Variants in DSP observed in about 807,000 individuals in gnomAD.
DSP encodes 250/210 kDa paraneoplastic pemphigus antigen.
In DSP, 114 loss-of-function variants were observed where a neutral mutation model predicts 290.6. That is an observed-to-expected ratio of 0.39 (90% confidence interval 0.34 to 0.46). The LOEUF is 0.46. DSP is among the 20% of genes least tolerant of loss of function. The pLI, the probability that DSP is intolerant of heterozygous loss-of-function variation, is 0.99. For synonymous variants in DSP, 1,311 were observed against 1,316.4 expected (o/e 1.00, Z 0.09); for missense variants, 3,230 against 3,495.8 (o/e 0.92, Z 1.92).
chr6:7,582,723 G>A lies in DSP; in HGVS notation c.5461G>A (p.Val1821Ile). ...ERESLLVKIK[V>I]LEQDKARLQR... ...AGAGAGCCTTCTGGTGAAAATCAAAGTCCTGGAGCAAGACAAGGCAAGGCT... is the reference window on the plus strand; with the variant it reads ...AGAGAGCCTTCTGGTGAAAATCAAAATCCTGGAGCAAGACAAGGCAAGGCT... The change falls in exon 24 of 24, where the codon GTC becomes ATC. Residue 1821 changes from valine to isoleucine, a missense_variant. Physicochemically the swap from Val to Ile is conservative, Grantham distance 29 (BLOSUM62 3). Coordinates refer to ENST00000379802, the MANE Select transcript of DSP (RefSeq NM_004415.4). This position sits in a 1 kb window ranked among gnomAD's most constrained non-coding sequence, Gnocchi z 4.2. 1 of 1,613,636 alleles carries A rather than the reference G, an allele frequency of 6.2e-7. No homozygotes were observed. Among genetic ancestry groups the A allele is most frequent in the African/African-American group, 1.3e-5 (1 of 74,940 alleles).
chr6:7,551,725 TCAGACTGACCCG>T (rs1400253602), intron 1 of DSP, among the ~76,000 whole-genome samples: 1 of 152,132 alleles, frequency 6.6e-6, no homozygotes. Context: ...ATGTCTGACA[TCAGACTGACCCG>T]ATGGGTCGAA....
At chr6:7,560,606 A>G (rs1758653011) in intron 4 of DSP, among the ~76,000 whole-genome samples, 1 of 152,232 alleles carries the variant, frequency 6.6e-6, no homozygotes, top group African/African-American at 2.4e-5. Context: ...GCATACGCTC[A>G]AATGCCAAAT....
chr6:7,563,870 C>T lies in DSP; in HGVS notation c.777+84C>T, dbSNP rs554474378. 3.6e-4 allele frequency: 449 copies of T among 1,240,116 alleles called. 1 individual carries two copies. The highest frequency in any genetic ancestry group is 2.6e-3 in the Middle Eastern group (14 of 5,398). 76.8% of individuals were successfully genotyped at this position (1,240,116 alleles called of 1,614,324 possible). A position where few individuals can be genotyped will look rare whatever the true frequency, so the allele number is the denominator to read the frequency against. ...TCAAGAAATATCAAGCACATCCTGGCGGGGAGGCACCTGTTCATCGATGCT... is the reference window on the plus strand; with the variant it reads ...TCAAGAAATATCAAGCACATCCTGGTGGGGAGGCACCTGTTCATCGATGCT... On this transcript the variant is annotated intron_variant, in intron 6 of 23. Transcript: ENST00000379802.
rs775983176 is a variant in DSP at position 7,574,216 on chromosome 6, A to T, written c.2261A>T (p.Glu754Val). Reference sequence around the variant, plus strand: ...GTATTTGGACTATTTCAGAAACTGGAAAATATCAATGGTGTTACAGATGGC... The same window carrying T: ...GTATTTGGACTATTTCAGAAACTGGTAAATATCAATGGTGTTACAGATGGC... ...NEVFGLFQKLENINGVTDGYL... is the reference protein window; with the variant it reads ...NEVFGLFQKLVNINGVTDGYL... Residue 754 changes from glutamate (E) to valine (V), a missense_variant, in exon 16 of 24, where the codon GAA (glutamate) becomes GTA (valine). This residue lies in a region of DSP where 1,714 missense variants were observed against 1,844.5 expected (regional missense o/e 0.93). Transcript: ENST00000379802. 1 of 1,614,046 alleles carries T rather than the reference A, an allele frequency of 6.2e-7. No individual in the cohort carries two copies.
chr6:7,566,531 T>A, intron 8 of DSP, 50 bp downstream of exon 8: 8 of 1,455,316 alleles, frequency 5.5e-6, no homozygotes, highest in Non-Finnish European at 7.6e-6. Flanking sequence ...AAACTTTTCA[T>A]AAAGTAAGAC....
Position 7,583,984 on chromosome 6 carries a change from T to C in DSP, c.6722T>C (p.Ile2241Thr). Residue 2241 changes from isoleucine to threonine, a missense_variant, in exon 24 of 24, where the codon ATT becomes ACT. Around this residue, in one of 5 missense-constraint regions of DSP, gnomAD observed 207 missense variants for 281.2 expected, o/e 0.74. Transcript: ENST00000379802. The surrounding 1 kb of genome is among the most constrained non-coding windows in gnomAD (Gnocchi z 4.0). ...STVNELESGQISYDEVGERIK... is the reference protein window; with the variant it reads ...STVNELESGQTSYDEVGERIK... Reference sequence around the variant, plus strand: ...GTCAATGAACTGGAATCTGGTCAGATTTCTTATGACGAGGTTGGTGAGAGA... The same window carrying C: ...GTCAATGAACTGGAATCTGGTCAGACTTCTTATGACGAGGTTGGTGAGAGA... 1 of 1,614,196 alleles carries C rather than the reference T, an allele frequency of 6.2e-7. No individual in the cohort carries two copies. The highest frequency in any genetic ancestry group is 2.2e-5 in the East Asian group (1 of 44,882).
At chr6:7,544,303 T>C (rs1758108146) in intron 1 of DSP, among the ~76,000 whole-genome samples, 1 of 152,194 alleles carries the variant, frequency 6.6e-6, no homozygotes, top group South Asian at 2.1e-4. Context: ...GTTTTTCTGG[T>C]GGCATTCTGG....
rs1759333937 is a variant in DSP at position 7,579,105 on chromosome 6, T to G, written c.3085-170T>G. Among the ~76,000 whole-genome samples, 1 of 152,228 alleles carries G rather than the reference T, an allele frequency of 6.6e-6. No individual in the cohort carries two copies. The highest frequency in any genetic ancestry group is 6.5e-5 in the Admixed American group (1 of 15,282). ...ATATGAGCAGCTGGTGCAAGAATTA[T>G]GATGAGAATCCAGATTTCTTGAATA... On this transcript the variant is annotated intron_variant, in intron 22 of 23. Coordinates refer to ENST00000379802, the MANE Select transcript of DSP (RefSeq NM_004415.4). This position sits in a 1 kb window ranked among gnomAD's most constrained non-coding sequence, Gnocchi z 4.1.
At chr6:7,561,811 T>G (rs73375328) in intron 4 of DSP, among the ~76,000 whole-genome samples, 5,735 of 152,258 alleles carry the variant, frequency 0.038, 342 homozygotes, top group African/African-American at 0.13. Flanking sequence ...CAATCCCAGA[T>G]TGGAATGTTT....
chr6:7,566,605 C>A, intron 8 of DSP, 124 bp downstream of exon 8: 2 of 782,056 alleles, frequency 2.6e-6, no homozygotes, highest in South Asian at 3.2e-5. Context: ...ATTTTGGGAT[C>A]AATACCCTAC....
Position 7,582,593 on chromosome 6 carries a change from T to A in DSP, c.5380-49T>A. 1 of 1,481,292 alleles carries A rather than the reference T, an allele frequency of 6.8e-7. No homozygotes were observed. Among genetic ancestry groups the A allele is most frequent in the Non-Finnish European group, 9.4e-7 (1 of 1,060,880 alleles). The allele number at this position is 1,481,292 out of a possible 1,614,324, so 91.8% of individuals were successfully genotyped here. On this transcript the variant is annotated intron_variant, in intron 23 of 23. Transcript: ENST00000379802. The surrounding 1 kb of genome is among the most constrained non-coding windows in gnomAD (Gnocchi z 4.2). ...AAGTTAAGTCGTGATAGTAATATGA[T>A]ATGATTCAAAACATTATTTTTTCCC...
rs1248883946 is a variant in DSP, at chr6:7,586,416, G to A, written c.*538G>A. ...GGATTGTATAACCCATATACTCTTC[G>A]ATGTACTTGTTTGGTTTGGTATTAA... On this transcript the variant is annotated 3_prime_UTR_variant, in exon 24 of 24. Transcript: ENST00000379802. 1 of 152,948 alleles carries A rather than the reference G, an allele frequency of 6.5e-6. No homozygotes were observed. The highest frequency in any genetic ancestry group is 1.5e-5 in the Non-Finnish European group (1 of 68,772). 9.5% of individuals were successfully genotyped at this position (152,948 alleles called of 1,614,324 possible). A position where few individuals can be genotyped will look rare whatever the true frequency, so the allele number is the denominator to read the frequency against.
chr6:7,585,870 G>A lies in DSP; in HGVS notation c.8608G>A (p.Gly2870Arg), dbSNP rs1258855325. 1.9e-6 allele frequency: 3 copies of A among 1,613,788 alleles called. No individual in the cohort carries two copies. The East Asian group carries it at 6.7e-5, about 36-fold the overall frequency. ...CTACTCATTTAGCAGTAGTTCTATT[G>A]GGCACTAGTAGTCAGTTGGGAGTGG... ...YSYSFSSSSI[G>R]H The change falls in exon 24 of 24, where the codon GGG (glycine) becomes AGG (arginine). Residue 2870 changes from glycine to arginine, a missense_variant. Gly to Arg is a moderately radical substitution (Grantham distance 125). Coordinates refer to ENST00000379802, the MANE Select transcript of DSP (RefSeq NM_004415.4).
chr6:7,566,283 G>T (rs866102348), intron 7 of DSP, 94 bp from the exon 8 acceptor site: 3 of 982,132 alleles, frequency 3.1e-6, no homozygotes, highest in East Asian at 2.4e-5. Context: ...TTTCCAAAAT[G>T]CAGTTTTGTA....
In DSP at chr6:7,560,275, A is replaced by G. The variant is rs536180977; in HGVS notation, c.597+875A>G. 1.2e-3 allele frequency among the ~76,000 whole-genome samples: 178 copies of G among 152,352 alleles called. 2 individuals carry two copies. The highest frequency in any genetic ancestry group is 4.2e-3 in the African/African-American group (176 of 41,580). On this transcript the variant is annotated intron_variant, in intron 4 of 23. Coordinates refer to ENST00000379802, the MANE Select transcript of DSP (RefSeq NM_004415.4). Reference sequence around the variant, plus strand: ...AGACTAATTCAGCAGTGGTTCTAAAATTTCTCAACTCCTTTAAAATTTTTG... The same window carrying G: ...AGACTAATTCAGCAGTGGTTCTAAAGTTTCTCAACTCCTTTAAAATTTTTG...
chr6:7,582,595 T>C lies in DSP; in HGVS notation c.5380-47T>C, dbSNP rs1486141451. 4 of 1,497,002 alleles carry C rather than the reference T, an allele frequency of 2.7e-6. No individual in the cohort carries two copies. In the East Asian group the frequency reaches 9.0e-5, roughly 34 times the overall value. 92.7% of individuals were successfully genotyped at this position (1,497,002 alleles called of 1,614,324 possible). On this transcript the variant is annotated intron_variant, in intron 23 of 23. Coordinates refer to ENST00000379802, the MANE Select transcript of DSP (RefSeq NM_004415.4). The surrounding 1 kb of genome is among the most constrained non-coding windows in gnomAD (Gnocchi z 4.2). ...GTTAAGTCGTGATAGTAATATGATA[T>C]GATTCAAAACATTATTTTTTCCCAT...
rs893348150 is a variant in DSP, at chr6:7,579,977, G to C, written c.3787G>C (p.Ala1263Pro). ...IVRLNDSILQATEQRRRAEEN... is the reference protein window; with the variant it reads ...IVRLNDSILQPTEQRRRAEEN... ...CAGGCTCAATGACAGCATCTTGCAG[G>C]CCACTGAGCAGCGAAGGCGAGCTGA... The change falls in exon 23 of 24, where the codon GCC becomes CCC. Residue 1263 changes from alanine (A) to proline (P), a missense_variant. Ala to Pro is a conservative substitution (Grantham distance 27). Transcript: ENST00000379802. The surrounding 1 kb of genome is among the most constrained non-coding windows in gnomAD (Gnocchi z 4.1). The C allele has an allele frequency of 1.2e-6, 2 of 1,614,116 alleles. No individual in the cohort carries two copies. Among genetic ancestry groups the C allele is most frequent in the Non-Finnish European group, 1.7e-6 (2 of 1,180,012 alleles).
Position 7,567,084 on chromosome 6 carries a change from G to T in DSP, c.1045-270G>T, listed in dbSNP as rs1342782597. Reference sequence around the variant, plus strand: ...GCTAGCCCCAGTGACAGTTCTGATTGGTCAGTATCTCTGCTATTTGGGTGA... The same window carrying T: ...GCTAGCCCCAGTGACAGTTCTGATTTGTCAGTATCTCTGCTATTTGGGTGA... On this transcript the variant is annotated intron_variant, in intron 8 of 23. Transcript: ENST00000379802. Among the ~76,000 whole-genome samples the T allele has an allele frequency of 3.9e-5, 6 of 152,114 alleles. 1 individual carries two copies. Among genetic ancestry groups the T allele is most frequent in the Admixed American group, 3.3e-4 (5 of 15,276 alleles).
In DSP at chr6:7,586,472, C is replaced by A. The variant is rs1158645352; in HGVS notation, c.*594C>A. The A allele has an allele frequency of 6.6e-6, 1 of 152,234 alleles. No individual in the cohort carries two copies. The highest frequency in any genetic ancestry group is 1.9e-4 in the East Asian group (1 of 5,182). The allele number at this position is 152,234 out of a possible 1,614,324, so 9.4% of individuals were successfully genotyped here. On this transcript the variant is annotated 3_prime_UTR_variant, in exon 24 of 24. Transcript: ENST00000379802. ...CTGTGCATGACAGCGGCAATCTTTTCTTTGGTCAAAGTTTTCTGTTTATTT... is the reference window on the plus strand; with the variant it reads ...CTGTGCATGACAGCGGCAATCTTTTATTTGGTCAAAGTTTTCTGTTTATTT...
Sources: gnomAD v4.1 joint callset for allele counts (sites outside exome capture counted in the v4.1 genomes callset) on GRCh38, gnomAD v4.1.1 for gene constraint, gnomAD v4.1.1 regional missense constraint, Gnocchi (gnomAD v3.1) non-coding constraint, MANE v1.5 for transcripts, NCBI Gene and HGNC (gene_info 2026-07-23, HGNC 2026-07-21) for gene names.